Variants in CCDC40 observed in about 807,000 individuals in gnomAD.
The protein encoded by CCDC40 is coiled-coil domain 40 molecular ruler complex subunit.
Under a neutral mutation model 124.5 loss-of-function variants are expected in CCDC40, and 104 were observed. That is an observed-to-expected ratio of 0.84 (90% CI 0.71 to 0.98). The LOEUF (loss-of-function observed/expected upper bound fraction) is 0.98, where lower values mean the gene tolerates loss of function less well. CCDC40 is among the 50% of genes least tolerant of loss of function. The pLI is 0.00. For missense variants in CCDC40, 1,463 were observed against 1,503.9 expected (o/e 0.97, Z 0.45); for synonymous variants, 580 against 602.9 (o/e 0.96, Z 0.56).
Position 80,086,274 on chromosome 17 carries a change from C to T in CCDC40, c.2449+58C>T. ...GCTGAGACGAGCTCTGGGACGTGGG[C>T]ACCTCCCAGGGGAGGGGCACTCAGT... On this transcript the variant is annotated intron_variant, in intron 14 of 19. Transcript: ENST00000397545. The surrounding 1 kb of genome is among the most constrained non-coding windows in gnomAD (Gnocchi z 5.5). 2.1e-6 allele frequency: 3 copies of T among 1,450,726 alleles called. No homozygotes were observed. Among genetic ancestry groups the T allele is most frequent in the Non-Finnish European group, 2.8e-6 (3 of 1,056,756 alleles). 89.9% of individuals were successfully genotyped at this position (1,450,726 alleles called of 1,614,324 possible).
chr17:80,095,176 G>A lies in CCDC40; in HGVS notation c.2833-87G>A, dbSNP rs570879815. The A allele has an allele frequency of 2.4e-6, 3 of 1,260,464 alleles. No individual in the cohort carries two copies. The African/African-American group carries it at 4.4e-5, about 19-fold the overall frequency. 78.1% of individuals were successfully genotyped at this position (1,260,464 alleles called of 1,614,324 possible). On this transcript the variant is annotated intron_variant, in intron 17 of 19. Transcript: ENST00000397545. The stretch of plus-strand genomic sequence containing the variant: ...CCGATCCCCATGCGTGTCACCGGAG[G>A]ATGAGCGAGGCCAGCGCCCCGGCCA...
At chr17:80,038,395 G>T (rs537388053) in intron 2 of CCDC40, among the ~76,000 whole-genome samples, 16 of 152,146 alleles carry the variant, frequency 1.1e-4, no homozygotes, top group Non-Finnish European at 1.9e-4. Flanking sequence ...GCCGGGCGTG[G>T]TGGTGCGCAC....
chr17:80,059,976 A>G (rs1337874837), intron 9 of CCDC40, among the ~76,000 whole-genome samples: 2 of 152,222 alleles, frequency 1.3e-5, no homozygotes, highest in Non-Finnish European at 2.9e-5. Context: ...TACAAATGCA[A>G]TTAAAGTAGA....
intron 3 of CCDC40, among the ~76,000 whole-genome samples, chr17:80,046,924 C>A (rs912804764): frequency 6.6e-6 from 1 of 152,210 alleles, no homozygotes; most frequent in Non-Finnish European, 1.5e-5. Context: ...CTGCTCACTG[C>A]AACCTCTGCC....
At chr17:80,052,390 C>T (rs1000457262) in intron 7 of CCDC40, among the ~76,000 whole-genome samples, 3 of 152,148 alleles carry the variant, frequency 2.0e-5, no homozygotes, top group Non-Finnish European at 2.9e-5. Context: ...TCACATTTTT[C>T]TGCCTGCTTA....
chr17:80,046,083 C>A (rs916678931), intron 3 of CCDC40, among the ~76,000 whole-genome samples: 1 of 152,094 alleles, frequency 6.6e-6, no homozygotes, highest in Admixed American at 6.5e-5. Context: ...ATGTCATTTT[C>A]CTTTACAGAA....
intron 13 of CCDC40, among the ~76,000 whole-genome samples, chr17:80,085,468 C>G (rs557866661): frequency 2.0e-5 from 3 of 152,294 alleles, no homozygotes; most frequent in African/African-American, 7.2e-5. Flanking sequence ...ACCCACCCTG[C>G]CAGCGCACCC....
At chr17:80,070,708 G>T (rs1224267482) in intron 10 of CCDC40, among the ~76,000 whole-genome samples, 1 of 152,156 alleles carries the variant, frequency 6.6e-6, no homozygotes, top group Non-Finnish European at 1.5e-5. Flanking sequence ...GGAGGTCGAG[G>T]CTGCAGTGAG....
At chr17:80,044,709 A>AC (rs200113202) in intron 3 of CCDC40, among the ~76,000 whole-genome samples, 3,919 of 55,678 alleles carry the variant, frequency 0.07, 178 homozygotes, top group Middle Eastern at 0.13. Context: ...AAACAAACAA[A>AC]AAAAAAAATA....
Position 80,040,678 on chromosome 17 carries a change from CA to C in CCDC40, c.552+425del, listed in dbSNP as rs34476860. The C allele has an allele frequency of 4.1e-3, 530 of 129,932 alleles. 1 individual carries two copies. The highest frequency in any genetic ancestry group is 0.011 in the Admixed American group (148 of 12,922). 8.0% of individuals were successfully genotyped at this position (129,932 alleles called of 1,614,324 possible). On this transcript the variant is annotated intron_variant, in intron 3 of 19. Coordinates refer to ENST00000397545, the MANE Select transcript of CCDC40 (RefSeq NM_017950.4). ...TGGGCAACAGAGTGAGACCTTGTCT[CA>C]AAAAAAAAAAAAAAAAGAAAAGAAA...
Position 80,081,725 on chromosome 17 carries a change from G to A in CCDC40, c.1742G>A (p.Ser581Asn), listed in dbSNP as rs1350851831. Residue 581 changes from serine to asparagine, a missense_variant, in exon 11 of 20, where the codon AGC (serine) becomes AAC (asparagine). By Grantham distance (46) the Ser-to-Asn change is conservative (BLOSUM62 1). Coordinates refer to ENST00000397545, the MANE Select transcript of CCDC40 (RefSeq NM_017950.4). Reference sequence around the variant, plus strand: ...CTGACCAAGCAGGTGGCCCTGCAGAGCCAGTTCAATACCTACAGGCTCACC... The same window carrying A: ...CTGACCAAGCAGGTGGCCCTGCAGAACCAGTTCAATACCTACAGGCTCACC... ...QCLTKQVALQ[S>N]QFNTYRLTLQ... 2 of 1,614,128 alleles carry A rather than the reference G, an allele frequency of 1.2e-6. No individual in the cohort carries two copies.
intron 3 of CCDC40, chr17:80,040,477 G>A (rs1482198917): frequency 1.2e-5 from 7 of 588,530 alleles, no homozygotes; most frequent in South Asian, 9.9e-5. Flanking sequence ...TCAGGAGTTC[G>A]AGACCAGCCT....
In CCDC40 at chr17:80,097,258, G is replaced by A. The variant is rs1484219825; in HGVS notation, c.3035G>A (p.Cys1012Tyr). 38 of 1,613,946 alleles carry A rather than the reference G, an allele frequency of 2.4e-5. No homozygotes were observed. Among genetic ancestry groups the A allele is most frequent in the Non-Finnish European group, 3.2e-5 (38 of 1,180,008 alleles). The change falls in exon 19 of 20, where the codon TGC becomes TAC. Residue 1012 changes from cysteine to tyrosine, a missense_variant. Transcript: ENST00000397545. Reference protein sequence around the residue: ...IRDVRKATDECTKTVLELEET... With the variant: ...IRDVRKATDEYTKTVLELEET... ...TGATTCTCCTAGGCCACCGATGAGT[G>A]CACCAAAACCGTCCTGGAACTGGAA...
At chr17:80,097,465 G>A (rs1484574783) in intron 19 of CCDC40, 62 bp downstream of exon 19, 6 of 1,578,506 alleles carry the variant, frequency 3.8e-6, no homozygotes, top group African/African-American at 2.7e-5. Context: ...TCACACAGAG[G>A]TCCTGCGTCC....
At chr17:80,074,653 A>T (rs917144876) in intron 10 of CCDC40, among the ~76,000 whole-genome samples, 4 of 152,158 alleles carry the variant, frequency 2.6e-5, no homozygotes, top group African/African-American at 7.2e-5. Flanking sequence ...GTACCTGGTC[A>T]CCCAAGAGTT....
intron 17 of CCDC40, among the ~76,000 whole-genome samples, chr17:80,093,424 C>T (rs915326772): frequency 1.3e-5 from 2 of 152,172 alleles, no homozygotes; most frequent in African/African-American, 4.8e-5. Flanking sequence ...CTCAGATGAT[C>T]CACCTGCCTC....
At position 80,097,239 on chromosome 17, in the gene CCDC40, T is replaced by C. The variant is rs2038826320; in HGVS notation, c.3022-6T>C. ...GGGGCCCAGCATGGTCCTGTGATTC[T>C]CCTAGGCCACCGATGAGTGCACCAA... On this transcript the variant is annotated splice_region_variant and splice_polypyrimidine_tract_variant and intron_variant, in intron 18 of 19. Coordinates refer to ENST00000397545, the MANE Select transcript of CCDC40 (RefSeq NM_017950.4). The C allele has an allele frequency of 6.2e-7, 1 of 1,613,780 alleles. No individual in the cohort carries two copies.
At chr17:80,070,662 A>G (rs1295180528) in intron 10 of CCDC40, among the ~76,000 whole-genome samples, 2 of 151,326 alleles carry the variant, frequency 1.3e-5, no homozygotes, top group African/African-American at 4.9e-5. Flanking sequence ...AGTCCCACCT[A>G]CTCGGGAGGC....
chr17:80,081,829 G>A (rs373309118), intron 11 of CCDC40, 40 bp downstream of exon 11: 14 of 1,613,790 alleles, frequency 8.7e-6, no homozygotes, highest in Middle Eastern at 1.6e-4. Flanking sequence ...CCTGGCGCAC[G>A]GTGGTGCCTC....
Sources: gnomAD v4.1 joint callset for allele counts (sites outside exome capture counted in the v4.1 genomes callset) on GRCh38, gnomAD v4.1.1 for gene constraint, Gnocchi (gnomAD v3.1) non-coding constraint, MANE v1.5 for transcripts, NCBI Gene and HGNC (gene_info 2026-07-23, HGNC 2026-07-21) for gene names.